MOXD1: variants seen among roughly 807,000 people sequenced by gnomAD.
The protein encoded by MOXD1 is monooxygenase DBH like 1.
A neutral mutation model predicts 66.6 loss-of-function variants in MOXD1; 62 were observed. The ratio of observed to expected loss-of-function variants is 0.93; its 90% CI spans 0.76 to 1.15. The LOEUF is 1.15. MOXD1 is among the 50% of genes most tolerant of loss of function. The pLI is 0.00. For missense variants in MOXD1, 847 were observed against 754.6 expected (o/e 1.12, Z -1.44); for synonymous variants, 303 against 281.9 (o/e 1.07, Z -0.75).
chr6:132,339,412 A>G (rs1490580799), intron 4 of MOXD1, among the ~76,000 whole-genome samples: 4 of 152,212 alleles, frequency 2.6e-5, no homozygotes, highest in Non-Finnish European at 5.9e-5. Context: ...TCTACATACT[A>G]TGTGCTCTTC....
At chr6:132,384,340 T>C (rs915267315) in intron 1 of MOXD1, among the ~76,000 whole-genome samples, 1 of 150,188 alleles carries the variant, frequency 6.7e-6, no homozygotes, top group Non-Finnish European at 1.5e-5. Flanking sequence ...TTCCTCCTTC[T>C]TCCCTCTCCT....
At chr6:132,356,697 T>C (rs1039129938) in intron 4 of MOXD1, among the ~76,000 whole-genome samples, 1 of 152,128 alleles carries the variant, frequency 6.6e-6, no homozygotes, top group Admixed American at 6.5e-5. Flanking sequence ...TTAAAAATAA[T>C]GTGTTATAAT....
chr6:132,333,018 A>G (rs1039741784), intron 4 of MOXD1, among the ~76,000 whole-genome samples: 2 of 152,156 alleles, frequency 1.3e-5, no homozygotes, highest in Admixed American at 6.5e-5. Context: ...TAATGATGAC[A>G]GAGTTATACA....
At chr6:132,306,159 A>G (rs1774683851) in intron 10 of MOXD1, among the ~76,000 whole-genome samples, 1 of 152,154 alleles carries the variant, frequency 6.6e-6, no homozygotes, top group Non-Finnish European at 1.5e-5. Context: ...CAGTTTAGAG[A>G]GGAATATTAA....
At chr6:132,320,505 T>C (rs1442736298) in intron 9 of MOXD1, 124 bp downstream of exon 9, 1 of 752,354 alleles carries the variant, frequency 1.3e-6, no homozygotes, top group East Asian at 2.8e-5. Context: ...TTATGATACT[T>C]GATACTCAAG....
Position 132,316,171 on chromosome 6 carries a change from C to T in MOXD1, c.1366-394G>A, listed in dbSNP as rs576887102. On this transcript the variant is annotated intron_variant, in intron 9 of 11. Coordinates refer to ENST00000367963, the MANE Select transcript of MOXD1 (RefSeq NM_015529.4). The stretch of plus-strand genomic sequence containing the variant: ...GTGTATAAACATTAGCAGCTGCATA[C>T]GACGGGGAGAAAGATTTCATATTTT... Among the ~76,000 whole-genome samples, 14 of 102,668 alleles carry T rather than the reference C, an allele frequency of 1.4e-4. No homozygotes were observed. In the East Asian group the frequency reaches 1.5e-3, roughly 11 times the overall value. The allele number at this position is 102,668 out of a possible 152,430, so 67.4% of individuals were successfully genotyped here. A position where few individuals can be genotyped will look rare whatever the true frequency, so the allele number is the denominator to read the frequency against.
intron 4 of MOXD1, among the ~76,000 whole-genome samples, chr6:132,330,724 G>T (rs981142290): frequency 1.3e-5 from 2 of 152,146 alleles, no homozygotes; most frequent in African/African-American, 4.8e-5. Flanking sequence ...TCTACTTTCA[G>T]CATGCACATT....
At chr6:132,376,501 CTTTTTTTTTTTTT>C (rs1166086289) in intron 1 of MOXD1, among the ~76,000 whole-genome samples, 5 of 65,362 alleles carry the variant, frequency 7.6e-5, no homozygotes, top group Non-Finnish European at 1.2e-4. Context: ...ACTACAGCTT[CTTTTTTTTTTTTT>C]TTTTTTTTTT....
intron 1 of MOXD1, among the ~76,000 whole-genome samples, chr6:132,382,576 G>A (rs1463951941): frequency 6.6e-6 from 1 of 152,080 alleles, no homozygotes. Flanking sequence ...ACCTGAAAAT[G>A]AGTTAATAAT....
intron 9 of MOXD1, among the ~76,000 whole-genome samples, chr6:132,317,749 A>G (rs1312899252): frequency 1.3e-5 from 2 of 152,102 alleles, no homozygotes; most frequent in Admixed American, 1.3e-4. Context: ...AAAAAAATAA[A>G]ACCAACACCA....
At chr6:132,324,150 T>C (rs958640672) in intron 6 of MOXD1, 53 bp from the exon 7 acceptor site, 2 of 1,537,022 alleles carry the variant, frequency 1.3e-6, no homozygotes, top group Non-Finnish European at 1.8e-6. Context: ...AATGTTTTCA[T>C]TCCCAAGAAA....
At chr6:132,298,324 A>G (rs1562274594) in intron 10 of MOXD1, among the ~76,000 whole-genome samples, 1 of 152,130 alleles carries the variant, frequency 6.6e-6, no homozygotes, top group East Asian at 1.9e-4. Flanking sequence ...CCCGGTCAAA[A>G]TTTAAACAAA....
At chr6:132,317,160 A>G (rs1774977080) in intron 9 of MOXD1, among the ~76,000 whole-genome samples, 1 of 152,174 alleles carries the variant, frequency 6.6e-6, no homozygotes, top group South Asian at 2.1e-4. Context: ...CAAAGGAAAC[A>G]AAGCAACTGC....
chr6:132,374,034 G>C (rs1219466869), intron 2 of MOXD1, among the ~76,000 whole-genome samples: 10 of 151,948 alleles, frequency 6.6e-5, no homozygotes, highest in Admixed American at 4.6e-4. Flanking sequence ...AATCGTATTG[G>C]TCTACACAAA....
chr6:132,306,595 T>A (rs1054547379), intron 10 of MOXD1, among the ~76,000 whole-genome samples: 1 of 152,000 alleles, frequency 6.6e-6, no homozygotes, highest in Non-Finnish European at 1.5e-5. Flanking sequence ...GGACAAACTG[T>A]TAAGGGCAGC....
intron 10 of MOXD1, among the ~76,000 whole-genome samples, chr6:132,307,445 T>C (rs192627358): frequency 6.6e-6 from 1 of 152,080 alleles, no homozygotes; most frequent in African/African-American, 2.4e-5. Flanking sequence ...CCAATGTCAG[T>C]ATTAGACAGA....
At chr6:132,328,679 T>G (rs1775246758) in intron 4 of MOXD1, 85 bp from the exon 5 acceptor site, 3 of 1,262,044 alleles carry the variant, frequency 2.4e-6, no homozygotes, top group Non-Finnish European at 1.1e-6. Flanking sequence ...TAGCATAAAT[T>G]ACTGTCAGTT....
chr6:132,316,129 T>A (rs1480025207), intron 9 of MOXD1, among the ~76,000 whole-genome samples: 2 of 152,136 alleles, frequency 1.3e-5, no homozygotes, highest in Non-Finnish European at 1.5e-5. Flanking sequence ...TTGAATTTTC[T>A]AGAATCTTGT....
In MOXD1 at chr6:132,296,503, G is replaced by C. The variant is rs1208653732; in HGVS notation, c.*650C>G. 6.6e-6 allele frequency: 1 copy of C among 152,152 alleles called. No homozygotes were observed. Among genetic ancestry groups the C allele is most frequent in the Non-Finnish European group, 1.5e-5 (1 of 68,076 alleles). 9.4% of individuals were successfully genotyped at this position (152,152 alleles called of 1,614,324 possible). A position where few individuals can be genotyped will look rare whatever the true frequency, so the allele number is the denominator to read the frequency against. On this transcript the variant is annotated 3_prime_UTR_variant, in exon 12 of 12. Coordinates refer to ENST00000367963, the MANE Select transcript of MOXD1 (RefSeq NM_015529.4). ...GCTCTAGAAAAAACTCATCTGGCCA[G>C]TACTAAACAGGGAAGGTGAAAAAAA...
Sources: allele counts gnomAD v4.1 joint callset (sites outside exome capture counted in the v4.1 genomes callset), GRCh38; gene constraint gnomAD v4.1.1; transcripts MANE v1.5; gene names NCBI Gene and HGNC (gene_info 2026-07-23, HGNC 2026-07-21).